Variants in SUGCT observed in about 807,000 individuals in gnomAD.
SUGCT encodes succinyl-CoA:glutarate CoA-transferase.
A neutral mutation model predicts 55.0 loss-of-function variants in SUGCT; 41 were observed. The ratio of observed to expected loss-of-function variants is 0.74; its 90% CI spans 0.58 to 0.97. The LOEUF (loss-of-function observed/expected upper bound fraction) is 0.97, where lower values mean the gene tolerates loss of function less well. Ranked by LOEUF, SUGCT falls within the 50% of genes least tolerant of loss-of-function variation. SUGCT has a pLI of 0.00. For synonymous variants in SUGCT, 187 were observed against 200.4 expected (o/e 0.93, Z 0.56); for missense variants, 568 against 547.8 (o/e 1.04, Z -0.37).
intron 9 of SUGCT, among the ~76,000 whole-genome samples, chr7:40,324,569 G>A (rs1196306457): frequency 6.6e-6 from 1 of 151,930 alleles, no homozygotes; most frequent in African/African-American, 2.4e-5. Flanking sequence ...TCATAGTTTT[G>A]ACCTTAAAAA....
chr7:40,135,068 C>T lies in SUGCT; in HGVS notation c.48C>T (p.Leu16=), dbSNP rs373350012. The part of the protein sequence containing the change: ...ARVAALRRTC[L]FSGRGGGRGL... Reference sequence around the variant, plus strand: ...TGGCAGCTCTGCGCAGAACCTGCCTCTTCTCCGGCCGGGGCGGCGGGAGGG... The same window carrying T: ...TGGCAGCTCTGCGCAGAACCTGCCTTTTCTCCGGCCGGGGCGGCGGGAGGG... The change falls in exon 1 of 14, where the codon CTC becomes CTT. Residue 16 remains leucine (L), a synonymous_variant. Transcript: ENST00000335693. 1.9e-5 allele frequency: 29 copies of T among 1,560,698 alleles called. No homozygotes were observed. The East Asian group carries it at 2.2e-4, about 12-fold the overall frequency.
the SUGCT span, among the ~76,000 whole-genome samples, chr7:40,909,547 T>A: frequency 6.6e-6 from 1 of 152,332 alleles, no homozygotes; most frequent in East Asian, 1.9e-4. Flanking sequence ...TCCTTTGATG[T>A]CACAGGGAGG....
intron 6 of SUGCT, among the ~76,000 whole-genome samples, chr7:40,219,404 AATT>A (rs1240027046): frequency 2.0e-5 from 3 of 152,212 alleles, no homozygotes; most frequent in African/African-American, 4.8e-5. Flanking sequence ...TGCTCTTCAA[AATT>A]ATTATTTGCT....
intron 9 of SUGCT, among the ~76,000 whole-genome samples, chr7:40,374,684 T>C (rs1394684080): frequency 3.3e-5 from 5 of 152,308 alleles, no homozygotes; most frequent in Admixed American, 3.3e-4. Context: ...AAAAAGGTTT[T>C]TCTTGATTTC....
intron 12 of SUGCT, among the ~76,000 whole-genome samples, chr7:40,671,553 A>T (rs574620122): frequency 6.6e-6 from 1 of 152,230 alleles, no homozygotes; most frequent in African/African-American, 2.4e-5. Flanking sequence ...AATCAATTGT[A>T]TGTCTATATA....
intron 13 of SUGCT, among the ~76,000 whole-genome samples, chr7:40,805,182 C>T (rs1425075656): frequency 6.6e-6 from 1 of 152,160 alleles, no homozygotes; most frequent in African/African-American, 2.4e-5. Flanking sequence ...AGTTAATATA[C>T]TGCAAAGAGA....
intron 13 of SUGCT, among the ~76,000 whole-genome samples, chr7:40,828,245 G>C (rs1433124328): frequency 6.6e-6 from 1 of 152,170 alleles, no homozygotes; most frequent in Non-Finnish European, 1.5e-5. Context: ...CTGCCCCAGG[G>C]TCAGAACCTC....
At chr7:40,230,918 G>T (rs1788685852) in intron 6 of SUGCT, among the ~76,000 whole-genome samples, 1 of 152,134 alleles carries the variant, frequency 6.6e-6, no homozygotes, top group African/African-American at 2.4e-5. Flanking sequence ...GTTGTAAAAA[G>T]GGGATAATTC....
intron 12 of SUGCT, among the ~76,000 whole-genome samples, chr7:40,647,453 T>C (rs1249144741): frequency 6.6e-6 from 1 of 152,216 alleles, no homozygotes; most frequent in Admixed American, 6.5e-5. Context: ...AGTTGACTTA[T>C]TATTCTTATT....
At chr7:40,695,149 ATC>A (rs1315811643) in intron 12 of SUGCT, among the ~76,000 whole-genome samples, 1 of 151,570 alleles carries the variant, frequency 6.6e-6, no homozygotes, top group Non-Finnish European at 1.5e-5. Flanking sequence ...CATTAATGTT[ATC>A]TACCTAAACC....
chr7:40,391,115 C>A (rs899767459), intron 9 of SUGCT, among the ~76,000 whole-genome samples: 1 of 152,108 alleles, frequency 6.6e-6, no homozygotes, highest in Non-Finnish European at 1.5e-5. Flanking sequence ...CTTCCTTACA[C>A]CTTATACAAA....
At chr7:40,613,172 T>C (rs1397059912) in intron 12 of SUGCT, among the ~76,000 whole-genome samples, 3 of 152,084 alleles carry the variant, frequency 2.0e-5, no homozygotes, top group African/African-American at 7.2e-5. Context: ...GATACTCTTA[T>C]ATGCCAGACT....
chr7:40,345,183 A>AAAAAGGG (rs1218468087), intron 9 of SUGCT, among the ~76,000 whole-genome samples: 1 of 152,212 alleles, frequency 6.6e-6, no homozygotes, highest in Non-Finnish European at 1.5e-5. Context: ...TTTGAGAGGA[A>AAAAAGGG]AAAAGGGAAA....
At chr7:41,014,841 T>C in the SUGCT span, among the ~76,000 whole-genome samples, 2 of 152,164 alleles carry the variant, frequency 1.3e-5, no homozygotes, top group African/African-American at 4.8e-5. Flanking sequence ...GCAAACATAA[T>C]TCATGAGGGG....
chr7:40,569,815 C>A (rs570204709), intron 12 of SUGCT, among the ~76,000 whole-genome samples: 81 of 152,272 alleles, frequency 5.3e-4, no homozygotes, highest in Non-Finnish European at 7.3e-5. Context: ...ATAATCATTG[C>A]ATTAAAAACC....
chr7:40,951,337 C>A, the SUGCT span, among the ~76,000 whole-genome samples: 1 of 148,386 alleles, frequency 6.7e-6, no homozygotes, highest in Non-Finnish European at 1.5e-5. Context: ...CTATTTGATT[C>A]TTCTCTCTTT....
At chr7:40,900,175 C>T in the SUGCT span, among the ~76,000 whole-genome samples, 1 of 152,244 alleles carries the variant, frequency 6.6e-6, no homozygotes, top group Non-Finnish European at 1.5e-5. Flanking sequence ...CAGCCTCCAG[C>T]TTCTCTGCGT....
At chr7:40,820,704 T>C (rs1791943143) in intron 13 of SUGCT, among the ~76,000 whole-genome samples, 1 of 152,234 alleles carries the variant, frequency 6.6e-6, no homozygotes, top group Admixed American at 6.5e-5. Context: ...AATCATGTCA[T>C]CTGCAAACAG....
the SUGCT span, among the ~76,000 whole-genome samples, chr7:40,960,498 A>T: frequency 6.6e-6 from 1 of 152,238 alleles, no homozygotes. Flanking sequence ...GTTTGAAACC[A>T]GACAAAATCC....
Sources: allele counts gnomAD v4.1 joint callset (sites outside exome capture counted in the v4.1 genomes callset), GRCh38; gene constraint gnomAD v4.1.1; transcripts MANE v1.5; gene names NCBI Gene and HGNC (gene_info 2026-07-23, HGNC 2026-07-21).